Variants in LZTFL1 observed in about 807,000 individuals in gnomAD.
LZTFL1 encodes the protein leucine zipper transcription factor-like protein 1.
LZTFL1 carries 25 observed loss-of-function variants against 45.9 expected under a neutral mutation model. The observed-to-expected ratio is 0.54, with a 90% CI of 0.40 to 0.76. The LOEUF is 0.76. LZTFL1 is among the 30% of genes least tolerant of loss of function. LZTFL1 has a pLI of 0.00. For missense variants in LZTFL1, 277 were observed against 331.1 expected (o/e 0.84, Z 1.27); for synonymous variants, 93 against 117.4 (o/e 0.79, Z 1.35).
intron 2 of LZTFL1, among the ~76,000 whole-genome samples, chr3:45,860,004 C>T (rs1417119883): frequency 1.3e-5 from 2 of 152,062 alleles, no homozygotes; most frequent in Non-Finnish European, 2.9e-5. Context: ...TAGAATGCAA[C>T]TCTAATAGTG....
intron 2 of LZTFL1, among the ~76,000 whole-genome samples, chr3:45,907,827 C>T (rs767462787): frequency 1.8e-4 from 28 of 152,216 alleles, no homozygotes; most frequent in Non-Finnish European, 3.4e-4. Flanking sequence ...ACGGACTGTG[C>T]GTGTTCTTGC....
intron 4 of LZTFL1, among the ~76,000 whole-genome samples, chr3:45,848,026 A>G (rs544386464): frequency 1.1e-3 from 164 of 152,282 alleles, no homozygotes; most frequent in African/African-American, 3.7e-3. Flanking sequence ...TCTTTCTAAA[A>G]TTATCGACCC....
intron 4 of LZTFL1, 118 bp downstream of exon 4, chr3:45,834,120 C>T: frequency 1.6e-6 from 1 of 606,582 alleles, no homozygotes; most frequent in South Asian, 2.3e-5. Context: ...GAATTTTACT[C>T]TTGAATTGAA....
intron 2 of LZTFL1, among the ~76,000 whole-genome samples, chr3:45,866,862 T>C (rs1194265805): frequency 1.3e-5 from 2 of 152,278 alleles, no homozygotes; most frequent in South Asian, 2.1e-4. Context: ...AATAAGATAG[T>C]TGCGGCCAGG....
Position 45,832,055 on chromosome 3 carries a change from G to A in LZTFL1, c.457-917C>T, listed in dbSNP as rs577932921. Among the ~76,000 whole-genome samples the A allele has an allele frequency of 2.6e-5, 4 of 152,210 alleles. No homozygotes were observed. The East Asian group carries it at 7.7e-4, about 29-fold the overall frequency. On this transcript the variant is annotated intron_variant, in intron 5 of 9. Transcript: ENST00000296135. ...TCAAGACCAACCTGGCTAACATGGT[G>A]AAACCCCATCTCTACTAAAAATACA...
At chr3:45,842,157 A>T (rs1307684372), upstream of LZTFL1, 2 of 1,493,250 alleles carry the variant, frequency 1.3e-6, no homozygotes, top group East Asian at 2.5e-5. Flanking sequence ...GACTGCAATT[A>T]TGCATTTTCA....
At chr3:45,827,495 A>C in intron 8 of LZTFL1, 36 bp from the exon 9 acceptor site, 1 of 1,301,486 alleles carries the variant, frequency 7.7e-7, no homozygotes, top group Non-Finnish European at 1.1e-6. Flanking sequence ...TTACTAAAAA[A>C]ATAGTTAAGG....
upstream of LZTFL1, among the ~76,000 whole-genome samples, chr3:45,843,258 A>G (rs1380356724): frequency 1.3e-5 from 2 of 151,938 alleles, no homozygotes; most frequent in African/African-American, 4.8e-5. Flanking sequence ...CCACCTCCCC[A>G]TTTCTGTTTA....
chr3:45,825,042 C>G lies in LZTFL1; in HGVS notation c.*1272G>C, dbSNP rs1700629933. 4 of 395,374 alleles carry G rather than the reference C, an allele frequency of 1.0e-5. No individual in the cohort carries two copies. The Admixed American group carries it at 1.8e-4, about 17-fold the overall frequency. The allele number at this position is 395,374 out of a possible 1,614,324, so 24.5% of individuals were successfully genotyped here. ...GTTCCTTCACTATTTTAACAAAAAG[C>G]CTATAAGAAAAATAATAAATTCAAG... On this transcript the variant is annotated 3_prime_UTR_variant, in exon 10 of 10. Coordinates refer to ENST00000296135, the MANE Select transcript of LZTFL1 (RefSeq NM_020347.4).
rs186116731 is a variant in LZTFL1, at chr3:45,854,844, C to T, written c.-49+142G>A. On this transcript the variant is annotated intron_variant, in intron 4 of 4. Transcript: ENST00000472635. ...CATCCTAGGATTACATCTGAAATAACTCAAAATCATCACCATTCCCTTCTT... is the reference window on the plus strand; with the variant it reads ...CATCCTAGGATTACATCTGAAATAATTCAAAATCATCACCATTCCCTTCTT... 6.6e-6 allele frequency: 4 copies of T among 606,190 alleles called. No individual in the cohort carries two copies. The Admixed American group carries it at 1.3e-4, about 19-fold the overall frequency. The allele number at this position is 606,190 out of a possible 1,614,324, so 37.6% of individuals were successfully genotyped here. A position where few individuals can be genotyped will look rare whatever the true frequency, so the allele number is the denominator to read the frequency against.
intron 2 of LZTFL1, among the ~76,000 whole-genome samples, chr3:45,891,853 G>A (rs1230232615): frequency 6.6e-6 from 1 of 152,002 alleles, no homozygotes; most frequent in East Asian, 1.9e-4. Context: ...TTCATTTTGC[G>A]TTTTTCTGAT....
Position 45,838,025 on chromosome 3 carries a change from A to G in LZTFL1, c.30T>C (p.His10=), listed in dbSNP as rs761220368. Residue 10 remains histidine, a synonymous_variant, in exon 2 of 10, where the codon CAT becomes CAC. Transcript: ENST00000296135. The stretch of plus-strand genomic sequence containing the variant: ...GCATATAATTAATAACTTCATTTTG[A>G]TGGTGCTCATTTAGGCCCAACTCTG... MAELGLNEH[H]QNEVINYMRF... is the part of the protein sequence containing the mutation. The G allele has an allele frequency of 6.2e-7, 1 of 1,610,642 alleles. No homozygotes were observed. Among genetic ancestry groups the G allele is most frequent in the South Asian group, 1.1e-5 (1 of 90,086 alleles).
chr3:45,858,470 C>T (rs541717339), intron 3 of LZTFL1, among the ~76,000 whole-genome samples: 5 of 152,262 alleles, frequency 3.3e-5, no homozygotes, highest in Admixed American at 1.3e-4. Context: ...TACATATTTA[C>T]GTTTTTACCT....
At chr3:45,884,909 G>A (rs1701939597) in intron 2 of LZTFL1, among the ~76,000 whole-genome samples, 1 of 152,184 alleles carries the variant, frequency 6.6e-6, no homozygotes, top group Admixed American at 6.5e-5. Flanking sequence ...CATCTGGCTG[G>A]TTCTCAGCTA....
In LZTFL1 at chr3:45,835,524, G is replaced by A. The variant is rs1700941947; in HGVS notation, c.323+66C>T. 2.0e-6 allele frequency: 3 copies of A among 1,470,554 alleles called. No homozygotes were observed. The South Asian group carries it at 3.4e-5, about 17-fold the overall frequency. The allele number at this position is 1,470,554 out of a possible 1,614,324, so 91.1% of individuals were successfully genotyped here. A position where few individuals can be genotyped will look rare whatever the true frequency, so the allele number is the denominator to read the frequency against. ...CCCAAGAAAATATGCAGCCAAAGAT[G>A]TTCACTAACTTTTAAGATTATGCTT... On this transcript the variant is annotated intron_variant, in intron 3 of 9. Transcript: ENST00000296135.
At chr3:45,887,096 T>C (rs531120720) in intron 2 of LZTFL1, among the ~76,000 whole-genome samples, 132 of 152,252 alleles carry the variant, frequency 8.7e-4, no homozygotes, top group African/African-American at 2.9e-3. Flanking sequence ...TTGTGATGTA[T>C]CTAGACAATG....
rs751420935 is a variant in LZTFL1 at position 45,831,150 on chromosome 3, A to C, written c.457-12T>G. On this transcript the variant is annotated splice_polypyrimidine_tract_variant and intron_variant, in intron 5 of 9. Transcript: ENST00000296135. ...AGTCTTAAAATTTCCTTTGTGAGTAAATTCAAATTTTATTATATTAACCAA... is the reference window on the plus strand; with the variant it reads ...AGTCTTAAAATTTCCTTTGTGAGTACATTCAAATTTTATTATATTAACCAA... 1.3e-6 allele frequency: 2 copies of C among 1,499,098 alleles called. No individual in the cohort carries two copies. Among genetic ancestry groups the C allele is most frequent in the East Asian group, 2.3e-5 (1 of 43,316 alleles). The allele number at this position is 1,499,098 out of a possible 1,614,324, so 92.9% of individuals were successfully genotyped here.
At chr3:45,886,822 G>A (rs970465790) in intron 2 of LZTFL1, among the ~76,000 whole-genome samples, 1 of 152,170 alleles carries the variant, frequency 6.6e-6, no homozygotes, top group Non-Finnish European at 1.5e-5. Flanking sequence ...GGGAATTGGT[G>A]ATGCCCAACC....
intron 2 of LZTFL1, among the ~76,000 whole-genome samples, chr3:45,904,100 C>T (rs2125766691): frequency 6.6e-6 from 1 of 152,298 alleles, no homozygotes; most frequent in South Asian, 2.1e-4. Context: ...AGGTGGGAGC[C>T]TGGGCAAGTA....
Sources: allele counts gnomAD v4.1 joint callset (sites outside exome capture counted in the v4.1 genomes callset), GRCh38; gene constraint gnomAD v4.1.1; transcripts MANE v1.5; gene names NCBI Gene and HGNC (gene_info 2026-07-23, HGNC 2026-07-21).